Variants in NALCN observed in about 807,000 individuals in gnomAD.
NALCN encodes the protein sodium leak channel, non-selective, also known as sodium leak channel NALCN.
Under a neutral mutation model 225.3 loss-of-function variants are expected in NALCN, and 111 were observed. The observed-to-expected ratio is 0.49, with a 90% CI of 0.42 to 0.58. The LOEUF (loss-of-function observed/expected upper bound fraction) is 0.58, where lower values mean the gene tolerates loss of function less well. Among genes scored for constraint, NALCN ranks in the 20% least tolerant of loss-of-function variants. NALCN has a pLI of 0.00. For missense variants in NALCN, 1,378 were observed against 2,202.4 expected (o/e 0.63, Z 7.49); for synonymous variants, 764 against 769.0 (o/e 0.99, Z 0.11).
At chr13:101,115,731 T>G (rs1292587097) in intron 18 of NALCN, among the ~76,000 whole-genome samples, 1 of 152,170 alleles carries the variant, frequency 6.6e-6, no homozygotes, top group African/African-American at 2.4e-5. Flanking sequence ...GCAAGGCTAA[T>G]TTTACTGGAA....
chr13:101,115,419 G>C (rs897931478), intron 18 of NALCN, among the ~76,000 whole-genome samples: 1 of 152,180 alleles, frequency 6.6e-6, no homozygotes, highest in East Asian at 1.9e-4. Flanking sequence ...CAGATCTGTT[G>C]CTGGGAACAT....
At chr13:101,279,505 T>C (rs1436623940) in intron 10 of NALCN, among the ~76,000 whole-genome samples, 3 of 152,214 alleles carry the variant, frequency 2.0e-5, no homozygotes, top group Non-Finnish European at 4.4e-5. Context: ...GAGAACATGT[T>C]CACATTTTGC....
intron 7 of NALCN, among the ~76,000 whole-genome samples, chr13:101,316,025 G>A (rs1463186029): frequency 6.6e-6 from 1 of 152,096 alleles, no homozygotes; most frequent in East Asian, 1.9e-4. Context: ...GTTCGACTTG[G>A]AAGAGAAGTC....
intron 15 of NALCN, among the ~76,000 whole-genome samples, chr13:101,151,522 A>G (rs2037646452): frequency 6.6e-6 from 1 of 152,160 alleles, no homozygotes; most frequent in African/African-American, 2.4e-5. Flanking sequence ...TAACTGTAGA[A>G]TATTTTTTGG....
chr13:101,087,647 C>G (rs1170181122), intron 30 of NALCN, among the ~76,000 whole-genome samples: 5 of 152,130 alleles, frequency 3.3e-5, no homozygotes, highest in South Asian at 2.1e-4. Flanking sequence ...ACATACGCCC[C>G]AGATCCCCCA....
chr13:101,061,927 G>A lies in NALCN; in HGVS notation c.4755+41C>T, dbSNP rs1244476716. On this transcript the variant is annotated intron_variant, in intron 41 of 43. Coordinates refer to ENST00000251127, the MANE Select transcript of NALCN (RefSeq NM_052867.4). ...TCATCCTCCTGCGGGGCAGGGCGGG[G>A]CGGGGCGGGGACCCAACCTGCATGT... 3.2e-6 allele frequency: 5 copies of A among 1,575,308 alleles called. No homozygotes were observed. In the East Asian group the frequency reaches 6.7e-5, roughly 21 times the overall value.
chr13:101,368,277 G>A (rs540086663), intron 6 of NALCN, among the ~76,000 whole-genome samples: 139 of 151,310 alleles, frequency 9.2e-4, no homozygotes, highest in African/African-American at 3.2e-3. Flanking sequence ...TCTTGCGATA[G>A]TTTACTGAGA....
rs572040690 is a variant in NALCN at position 101,257,967 on chromosome 13, T to C, written c.1266+476A>G. ...TTTAATCATGAAACCTACCTTTAAT[T>C]GGTGTCTTTAATGTAGGTTGTAACA... is the stretch of plus-strand genomic sequence containing the variant. On this transcript the variant is annotated intron_variant, in intron 11 of 43. Transcript: ENST00000251127. 1.5e-4 allele frequency among the ~76,000 whole-genome samples: 23 copies of C among 152,280 alleles called. No individual in the cohort carries two copies. In the East Asian group the frequency reaches 4.2e-3, roughly 28 times the overall value.
At chr13:101,070,063 G>GTTCTGTTTTTT (rs536866923) in intron 37 of NALCN, among the ~76,000 whole-genome samples, 1 of 98,314 alleles carries the variant, frequency 1.0e-5, no homozygotes, top group African/African-American at 4.2e-5. Flanking sequence ...AATCATGAAT[G>GTTCTGTTTTTT]TTTTTTTTTT....
intron 27 of NALCN, among the ~76,000 whole-genome samples, chr13:101,096,898 A>G (rs1482035039): frequency 6.6e-6 from 1 of 151,284 alleles, no homozygotes; most frequent in Non-Finnish European, 1.5e-5. Context: ...ATTCTTGATC[A>G]CTGTTTGAAT....
chr13:101,252,233 C>T (rs1403969209), intron 11 of NALCN, among the ~76,000 whole-genome samples: 1 of 152,202 alleles, frequency 6.6e-6, no homozygotes, highest in African/African-American at 2.4e-5. Context: ...CCAAGCACAA[C>T]TGCCATGTAA....
chr13:101,175,360 A>T (rs2038918051), intron 15 of NALCN, among the ~76,000 whole-genome samples: 1 of 152,166 alleles, frequency 6.6e-6, no homozygotes, highest in South Asian at 2.1e-4. Context: ...TAGATTAAAA[A>T]AAATTAAAAA....
At position 101,237,799 on chromosome 13, in the gene NALCN, G is replaced by A. The variant is rs2041616307; in HGVS notation, c.1390C>T (p.His464Tyr). 6.2e-7 allele frequency: 1 copy of A among 1,606,716 alleles called. No individual in the cohort carries two copies. Among genetic ancestry groups the A allele is most frequent in the Admixed American group, 1.7e-5 (1 of 58,648 alleles). Residue 464 changes from histidine (H) to tyrosine (Y), a missense_variant, in exon 12 of 44, where the codon CAT (histidine) becomes TAT (tyrosine). Around this residue, in one of 19 missense-constraint regions of NALCN, gnomAD observed 144 missense variants for 187.7 expected, o/e 0.77. Transcript: ENST00000251127. ...GAATGATAAAGATCTGGGTATACAT[G>A]AAGAGTAGTTCCAATTACGAGTAGT... ...ELLLVIGTTL[H>Y]VYPDLYHSQF...
At chr13:101,180,535 C>T (rs2039162369) in intron 14 of NALCN, 1 of 157,694 alleles carries the variant, frequency 6.3e-6, no homozygotes, top group Admixed American at 6.0e-5. Flanking sequence ...GGCTGTTGTT[C>T]CCACAACACA....
At chr13:101,196,601 G>A (rs9554760) in intron 13 of NALCN, among the ~76,000 whole-genome samples, 1 of 152,200 alleles carries the variant, frequency 6.6e-6, no homozygotes, top group East Asian at 1.9e-4. Flanking sequence ...TCTTCTCTGT[G>A]TTTTACTGTT....
At chr13:101,312,038 G>T (rs375396398) in intron 7 of NALCN, among the ~76,000 whole-genome samples, 1 of 152,056 alleles carries the variant, frequency 6.6e-6, no homozygotes, top group African/African-American at 2.4e-5. Flanking sequence ...CAATTTCAGA[G>T]CCTGTTATTG....
chr13:101,236,426 G>T (rs887301953), intron 12 of NALCN, among the ~76,000 whole-genome samples: 7 of 152,010 alleles, frequency 4.6e-5, no homozygotes, highest in Non-Finnish European at 7.4e-5. Flanking sequence ...TATACCCAAA[G>T]GACTATAAAT....
chr13:101,400,574 T>TGC (rs2047443017), intron 1 of NALCN, among the ~76,000 whole-genome samples: 3 of 119,370 alleles, frequency 2.5e-5, no homozygotes, highest in African/African-American at 9.2e-5. Flanking sequence ...TGTGTGTGTG[T>TGC]GTGTGTGCAC....
intron 18 of NALCN, among the ~76,000 whole-genome samples, chr13:101,113,823 C>T (rs17484734): frequency 0.05 from 7,650 of 152,236 alleles, 251 homozygotes; most frequent in Non-Finnish European, 0.072. Flanking sequence ...GCTTGTTTAA[C>T]GCTCATGGCA....
Sources: gnomAD v4.1 joint callset for allele counts (sites outside exome capture counted in the v4.1 genomes callset) on GRCh38, gnomAD v4.1.1 for gene constraint, gnomAD v4.1.1 regional missense constraint, MANE v1.5 for transcripts, NCBI Gene and HGNC (gene_info 2026-07-23, HGNC 2026-07-21) for gene names.